The following MAGI1 variants were observed in gnomAD, a reference collection of about 807,000 sequenced individuals.
MAGI1 encodes the protein membrane-associated guanylate kinase, WW and PDZ domain-containing protein 1.
MAGI1 carries 58 observed loss-of-function variants against 139.9 expected under a neutral mutation model. The ratio of observed to expected loss-of-function variants is 0.41; its 90% CI spans 0.34 to 0.52. The LOEUF (loss-of-function observed/expected upper bound fraction) is 0.52, where lower values mean the gene tolerates loss of function less well. Ranked by LOEUF, MAGI1 falls within the 20% of genes least tolerant of loss-of-function variation. The pLI is 0.12. For synonymous variants in MAGI1, 812 were observed against 737.9 expected (o/e 1.10, Z -1.63); for missense variants, 1,874 against 1,901.6 (o/e 0.99, Z 0.27).
intron 1 of MAGI1, among the ~76,000 whole-genome samples, chr3:65,999,454 G>A (rs888933453): frequency 2.6e-5 from 4 of 152,078 alleles, no homozygotes; most frequent in East Asian, 1.9e-4. Context: ...ATGACCTACC[G>A]ATATCTTTCT....
intron 1 of MAGI1, among the ~76,000 whole-genome samples, chr3:65,876,051 T>C (rs2108506008): frequency 6.6e-6 from 1 of 152,202 alleles, no homozygotes; most frequent in Admixed American, 6.5e-5. Context: ...GGTTTTTCAG[T>C]TCTGCTGTGA....
intron 2 of MAGI1, among the ~76,000 whole-genome samples, chr3:65,518,507 A>G (rs1038628281): frequency 6.6e-6 from 1 of 152,170 alleles, no homozygotes; most frequent in Non-Finnish European, 1.5e-5. Flanking sequence ...CCACAAGAAA[A>G]GGTAGGAGAT....
intron 1 of MAGI1, among the ~76,000 whole-genome samples, chr3:65,756,289 G>A (rs771052005): frequency 2.0e-5 from 3 of 152,150 alleles, no homozygotes; most frequent in Non-Finnish European, 2.9e-5. Context: ...TTTTTACACA[G>A]CATAAATAAG....
chr3:65,477,962 T>C (rs1295780450), intron 4 of MAGI1, among the ~76,000 whole-genome samples: 2 of 151,656 alleles, frequency 1.3e-5, no homozygotes, highest in Non-Finnish European at 2.9e-5. Context: ...TGAATATAGA[T>C]AAAATATATA....
At chr3:65,838,014 G>A (rs1323564187) in intron 1 of MAGI1, among the ~76,000 whole-genome samples, 7 of 152,158 alleles carry the variant, frequency 4.6e-5, no homozygotes, top group South Asian at 2.1e-4. Flanking sequence ...TTACATAACC[G>A]TAGTACAACT....
At chr3:65,856,790 G>A (rs1026294367) in intron 1 of MAGI1, among the ~76,000 whole-genome samples, 2 of 152,122 alleles carry the variant, frequency 1.3e-5, no homozygotes, top group African/African-American at 2.4e-5. Context: ...AAACTACAAC[G>A]GTCTCTTGGC....
At chr3:65,685,348 A>G (rs965891389) in intron 1 of MAGI1, among the ~76,000 whole-genome samples, 1 of 151,894 alleles carries the variant, frequency 6.6e-6, no homozygotes, top group African/African-American at 2.4e-5. Context: ...ATTCCAGTTA[A>G]TACTTGTCAT....
chr3:65,421,761 T>C (rs1174275156), intron 12 of MAGI1, among the ~76,000 whole-genome samples: 1 of 152,182 alleles, frequency 6.6e-6, no homozygotes, highest in Non-Finnish European at 1.5e-5. Context: ...ATAAACTTGA[T>C]GACACCATGC....
chr3:65,930,234 T>G (rs1159448361), intron 1 of MAGI1, among the ~76,000 whole-genome samples: 1 of 138,960 alleles, frequency 7.2e-6, no homozygotes, highest in Non-Finnish European at 1.5e-5. Flanking sequence ...GAGAATGACG[T>G]GAACCCGGGA....
At chr3:65,859,294 C>CA (rs202055159) in intron 1 of MAGI1, among the ~76,000 whole-genome samples, 10 of 144,064 alleles carry the variant, frequency 6.9e-5, no homozygotes, top group South Asian at 2.2e-4. Flanking sequence ...ACTCCGTCTA[C>CA]AAAAAAAAAA....
At chr3:65,892,982 T>C (rs2060828233) in intron 1 of MAGI1, among the ~76,000 whole-genome samples, 2 of 152,164 alleles carry the variant, frequency 1.3e-5, no homozygotes, top group Non-Finnish European at 2.9e-5. Context: ...ACTGCAATCA[T>C]TGTTCCTTTC....
At chr3:65,396,418 C>T (rs1171340167) in intron 13 of MAGI1, among the ~76,000 whole-genome samples, 1 of 152,162 alleles carries the variant, frequency 6.6e-6, no homozygotes, top group East Asian at 1.9e-4. Flanking sequence ...ACTGTACCAA[C>T]CTCTCTGAAA....
intron 1 of MAGI1, among the ~76,000 whole-genome samples, chr3:65,777,071 AG>A (rs1280759638): frequency 6.6e-6 from 1 of 152,220 alleles, no homozygotes; most frequent in African/African-American, 2.4e-5. Context: ...GATGGACTGT[AG>A]GGTAAGTGAG....
intron 1 of MAGI1, among the ~76,000 whole-genome samples, chr3:65,735,724 A>AG (rs2034668340): frequency 2.0e-5 from 3 of 152,304 alleles, no homozygotes; most frequent in East Asian, 3.9e-4. Flanking sequence ...GTGCTGACCA[A>AG]GGAGGCTCCA....
In MAGI1 at chr3:65,823,210, G is replaced by A. The variant is rs770811459; in HGVS notation, c.314-201122C>T. Among the ~76,000 whole-genome samples, 4 of 152,218 alleles carry A rather than the reference G, an allele frequency of 2.6e-5. No homozygotes were observed. The South Asian group carries it at 8.3e-4, about 32-fold the overall frequency. Reference sequence around the variant, plus strand: ...CTAAAAATTATTTCATAATAAAATAGGAAGGATGAAGCTAGTGGGCCTGGA... The same window carrying A: ...CTAAAAATTATTTCATAATAAAATAAGAAGGATGAAGCTAGTGGGCCTGGA... On this transcript the variant is annotated intron_variant, in intron 1 of 22. Transcript: ENST00000402939.
chr3:65,454,345 C>T (rs958864842), intron 5 of MAGI1, among the ~76,000 whole-genome samples: 7 of 146,696 alleles, frequency 4.8e-5, no homozygotes, highest in Non-Finnish European at 8.9e-5. Flanking sequence ...AACACATGGA[C>T]ACAGGAAGGG....
At chr3:65,413,232 T>C (rs1345694958) in intron 12 of MAGI1, among the ~76,000 whole-genome samples, 3 of 152,196 alleles carry the variant, frequency 2.0e-5, no homozygotes, top group East Asian at 3.9e-4. Flanking sequence ...GGGGGGTACA[T>C]TGTTTGGCAA....
At chr3:65,549,752 C>G (rs2079728476) in intron 2 of MAGI1, among the ~76,000 whole-genome samples, 1 of 152,026 alleles carries the variant, frequency 6.6e-6, no homozygotes, top group African/African-American at 2.4e-5. Context: ...AAGGGAGTCA[C>G]ATGGTTCTGG....
At position 65,936,963 on chromosome 3, in the gene MAGI1, G is replaced by GTGGTGGTGA. The variant is rs1201796596; in HGVS notation, c.313+101024_313+101032dup. Among the ~76,000 whole-genome samples, 74 of 149,138 alleles carry GTGGTGGTGA rather than the reference G, an allele frequency of 5.0e-4. 1 individual carries two copies. Among genetic ancestry groups the GTGGTGGTGA allele is most frequent in the African/African-American group, 1.7e-3 (70 of 40,720 alleles). On this transcript the variant is annotated intron_variant, in intron 1 of 22. Coordinates refer to ENST00000402939, the MANE Select transcript of MAGI1 (RefSeq NM_001033057.2). ...GGTGGTGGTGATGGTGATGGTGGTGGTGGTGGTGATGGTGGTGGTGGTGGT... is the reference window on the plus strand; with the variant it reads ...GGTGGTGGTGATGGTGATGGTGGTGGTGGTGGTGATGGTGGTGATGGTGGTGGTGGTGGT...
Sources: allele counts gnomAD v4.1 joint callset (sites outside exome capture counted in the v4.1 genomes callset), GRCh38; gene constraint gnomAD v4.1.1; transcripts MANE v1.5; gene names NCBI Gene and HGNC (gene_info 2026-07-23, HGNC 2026-07-21).